The following EXOC6B variants were observed in gnomAD, a reference collection of about 807,000 sequenced individuals.
EXOC6B encodes the protein exocyst complex component 6B.
EXOC6B carries 54 observed loss-of-function variants against 113.5 expected under a neutral mutation model. The observed-to-expected ratio is 0.48, with a 90% CI of 0.38 to 0.60. EXOC6B has a LOEUF of 0.60. Among genes scored for constraint, EXOC6B ranks in the 20% least tolerant of loss-of-function variants. The pLI, the probability that EXOC6B is intolerant of heterozygous loss-of-function variation, is 0.00. For missense variants in EXOC6B, 797 were observed against 977.5 expected, an observed-to-expected ratio of 0.82 and a Z score of 2.46; for synonymous variants, 357 against 339.0, an observed-to-expected ratio of 1.05 and a Z score of -0.58.
At chr2:72,549,857 G>T (rs1305094768) in intron 8 of EXOC6B, among the ~76,000 whole-genome samples, 1 of 152,176 alleles carries the variant, frequency 6.6e-6, no homozygotes, top group Non-Finnish European at 1.5e-5. Context: ...CAGGCAACAA[G>T]TATCAGAAAG....
intron 20 of EXOC6B, among the ~76,000 whole-genome samples, chr2:72,211,858 T>G (rs1680215887): frequency 6.6e-6 from 1 of 152,190 alleles, no homozygotes; most frequent in Non-Finnish European, 1.5e-5. Context: ...GGTTTGACTT[T>G]TTCTGTTACC....
chr2:72,316,355 C>T (rs1357004390), intron 20 of EXOC6B, among the ~76,000 whole-genome samples: 1 of 152,084 alleles, frequency 6.6e-6, no homozygotes, highest in East Asian at 1.9e-4. Flanking sequence ...CCTTGATAGC[C>T]CTCCTTCAGT....
intron 1 of EXOC6B, among the ~76,000 whole-genome samples, chr2:72,747,770 A>C (rs779679160): frequency 2.6e-5 from 4 of 151,818 alleles, no homozygotes; most frequent in Non-Finnish European, 5.9e-5. Context: ...GTTAAGAGTA[A>C]CTCCCATTTG....
At chr2:72,679,270 G>GT (rs1178579626) in intron 6 of EXOC6B, among the ~76,000 whole-genome samples, 2 of 152,192 alleles carry the variant, frequency 1.3e-5, no homozygotes, top group Non-Finnish European at 1.5e-5. Context: ...GTTTCACCAT[G>GT]TTGGCCAAGC....
At chr2:72,380,705 T>C (rs1691629214) in intron 18 of EXOC6B, among the ~76,000 whole-genome samples, 1 of 152,078 alleles carries the variant, frequency 6.6e-6, no homozygotes, top group African/African-American at 2.4e-5. Flanking sequence ...AAAAAAATAA[T>C]TAAGGGGATG....
At chr2:72,596,629 C>T (rs139183588) in intron 6 of EXOC6B, among the ~76,000 whole-genome samples, 267 of 152,156 alleles carry the variant, frequency 1.8e-3, no homozygotes, top group Admixed American at 3.7e-3. Flanking sequence ...CTGAAGGTCA[C>T]AGTCCAGGAA....
chr2:72,216,176 G>A (rs1559025342), intron 20 of EXOC6B, among the ~76,000 whole-genome samples: 2 of 151,828 alleles, frequency 1.3e-5, no homozygotes, highest in Admixed American at 6.6e-5. Flanking sequence ...AACTTCTGGG[G>A]TAGAGACACT....
At chr2:72,656,535 A>G (rs979493496) in intron 6 of EXOC6B, among the ~76,000 whole-genome samples, 2 of 152,192 alleles carry the variant, frequency 1.3e-5, no homozygotes, top group Non-Finnish European at 2.9e-5. Flanking sequence ...AAAATTGCAA[A>G]TTGAAACAGT....
intron 20 of EXOC6B, among the ~76,000 whole-genome samples, chr2:72,321,647 G>A (rs958113046): frequency 5.3e-5 from 8 of 152,010 alleles, no homozygotes; most frequent in African/African-American, 9.6e-5. Flanking sequence ...CCGTTTATAC[G>A]CATTATTCCA....
At chr2:72,742,526 T>G (rs533868836) in intron 1 of EXOC6B, among the ~76,000 whole-genome samples, 4 of 152,000 alleles carry the variant, frequency 2.6e-5, no homozygotes, top group Non-Finnish European at 5.9e-5. Context: ...CCAGCAAAAC[T>G]CCCTTCCACT....
chr2:72,296,093 A>G (rs1686120959), intron 20 of EXOC6B, among the ~76,000 whole-genome samples: 1 of 152,060 alleles, frequency 6.6e-6, no homozygotes, highest in South Asian at 2.1e-4. Flanking sequence ...TGTATGTCTC[A>G]ATTTTGAATA....
At chr2:72,358,866 A>G (rs1481269245) in intron 19 of EXOC6B, among the ~76,000 whole-genome samples, 2 of 152,166 alleles carry the variant, frequency 1.3e-5, no homozygotes, top group African/African-American at 4.8e-5. Context: ...ACATCTCATG[A>G]TATCTATCCT....
chr2:72,502,692 A>T (rs1286903973), intron 11 of EXOC6B, among the ~76,000 whole-genome samples: 1 of 152,196 alleles, frequency 6.6e-6, no homozygotes, highest in Non-Finnish European at 1.5e-5. Context: ...ACCCTGTTTG[A>T]CACTCAATGT....
chr2:72,317,063 C>G (rs1687555839), intron 20 of EXOC6B, among the ~76,000 whole-genome samples: 1 of 151,912 alleles, frequency 6.6e-6, no homozygotes, highest in Admixed American at 6.6e-5. Flanking sequence ...GGAACCAGAC[C>G]TGCTTTGCTA....
At chr2:72,315,992 T>G (rs887263295) in intron 20 of EXOC6B, among the ~76,000 whole-genome samples, 1 of 152,190 alleles carries the variant, frequency 6.6e-6, no homozygotes, top group Non-Finnish European at 1.5e-5. Flanking sequence ...GTAGACTACT[T>G]TAGAAGTCAC....
intron 20 of EXOC6B, among the ~76,000 whole-genome samples, chr2:72,296,953 T>C (rs1161033517): frequency 6.6e-6 from 1 of 152,174 alleles, no homozygotes; most frequent in African/African-American, 2.4e-5. Context: ...TTTTCCACCT[T>C]TACATTTATT....
At chr2:72,754,078 G>T (rs535922328) in intron 1 of EXOC6B, among the ~76,000 whole-genome samples, 1 of 151,952 alleles carries the variant, frequency 6.6e-6, no homozygotes, top group Non-Finnish European at 1.5e-5. Context: ...GTAGAGACAA[G>T]GTCTCACTAT....
At chr2:72,370,312 A>T (rs1690917950) in intron 19 of EXOC6B, among the ~76,000 whole-genome samples, 2 of 152,226 alleles carry the variant, frequency 1.3e-5, no homozygotes, top group South Asian at 4.1e-4. Context: ...CCACAATGAG[A>T]TACCATCTCA....
At chr2:72,290,582 T>C (rs1685719270) in intron 20 of EXOC6B, among the ~76,000 whole-genome samples, 1 of 152,116 alleles carries the variant, frequency 6.6e-6, no homozygotes, top group African/African-American at 2.4e-5. Context: ...ATATGACTTT[T>C]TATTTACTGG....
Sources: gnomAD v4.1 joint callset for allele counts (sites outside exome capture counted in the v4.1 genomes callset) on GRCh38, gnomAD v4.1.1 for gene constraint, MANE v1.5 for transcripts, NCBI Gene and HGNC (gene_info 2026-07-23, HGNC 2026-07-21) for gene names.